Variants in EPHB2 observed in about 807,000 individuals in gnomAD.
The protein encoded by EPHB2 is ephrin type-B receptor 2.
Under a neutral mutation model 96.4 loss-of-function variants are expected in EPHB2, and 18 were observed. The observed-to-expected ratio is 0.19, with a 90% CI of 0.13 to 0.28. EPHB2 has a LOEUF of 0.28. Among genes scored for constraint, EPHB2 ranks in the 10% least tolerant of loss-of-function variants. The pLI is 1.00. For synonymous variants in EPHB2, 506 were observed against 534.1 expected (o/e 0.95, Z 0.72); for missense variants, 989 against 1,355.4 (o/e 0.73, Z 4.25).
At chr1:22,775,266 C>T (rs896463058) in intron 1 of EPHB2, 1 of 779,766 alleles carries the variant, frequency 1.3e-6, no homozygotes, top group Non-Finnish European at 2.4e-6. Context: ...TGTCTGGCCT[C>T]AGTTTCCTCG....
chr1:22,735,673 C>G (rs1643811870), intron 1 of EPHB2, among the ~76,000 whole-genome samples: 3 of 152,188 alleles, frequency 2.0e-5, no homozygotes, highest in Admixed American at 2.0e-4. Flanking sequence ...TGTCTCAGCT[C>G]TACATGATGG....
intron 1 of EPHB2, among the ~76,000 whole-genome samples, chr1:22,761,236 A>C (rs1206089508): frequency 6.6e-6 from 1 of 152,192 alleles, no homozygotes; most frequent in Non-Finnish European, 1.5e-5. Flanking sequence ...GCCACCACCA[A>C]ATGATGTTCA....
At chr1:22,909,494 C>T (rs896284262) in intron 13 of EPHB2, among the ~76,000 whole-genome samples, 3 of 152,202 alleles carry the variant, frequency 2.0e-5, no homozygotes, top group East Asian at 1.9e-4. Flanking sequence ...GGGGACAAGA[C>T]GATTATTCAG....
At chr1:22,751,312 T>C (rs372910356) in intron 1 of EPHB2, among the ~76,000 whole-genome samples, 45 of 152,254 alleles carry the variant, frequency 3.0e-4, no homozygotes, top group African/African-American at 1.1e-3. Flanking sequence ...GCAGGACTGA[T>C]GGGGCGCCAG....
chr1:22,880,870 G>A (rs1293884695), intron 5 of EPHB2, among the ~76,000 whole-genome samples: 5 of 152,216 alleles, frequency 3.3e-5, no homozygotes, highest in African/African-American at 4.8e-5. Flanking sequence ...GATGCATTAT[G>A]AAATAAGGAC....
At chr1:22,756,280 T>C (rs1306623451) in intron 1 of EPHB2, among the ~76,000 whole-genome samples, 2 of 151,988 alleles carry the variant, frequency 1.3e-5, no homozygotes, top group Non-Finnish European at 2.9e-5. Context: ...TCTGTGTGGC[T>C]GCGGTTTCAG....
intron 3 of EPHB2, among the ~76,000 whole-genome samples, chr1:22,859,426 G>A (rs1645758371): frequency 6.6e-6 from 1 of 152,054 alleles, no homozygotes; most frequent in Admixed American, 6.5e-5. Flanking sequence ...GTCTGCTTGG[G>A]GAGCTGATGT....
At chr1:22,909,281 T>G (rs1640014537) in intron 13 of EPHB2, 110 bp downstream of exon 13, 27 of 1,547,862 alleles carry the variant, frequency 1.7e-5, no homozygotes, top group Non-Finnish European at 2.3e-5. Context: ...CATAGGCTTC[T>G]GAGATCATGG....
chr1:22,788,757 T>G (rs1372369602), intron 3 of EPHB2, among the ~76,000 whole-genome samples: 7 of 147,624 alleles, frequency 4.7e-5, no homozygotes, highest in African/African-American at 1.7e-4. Context: ...GTTTTTGTTT[T>G]TTTTTTTTTT....
At chr1:22,852,718 G>A (rs1282629875) in intron 3 of EPHB2, among the ~76,000 whole-genome samples, 2 of 152,214 alleles carry the variant, frequency 1.3e-5, no homozygotes, top group Non-Finnish European at 2.9e-5. Flanking sequence ...CTACAACTGG[G>A]GAACACACAG....
Position 22,899,783 on chromosome 1 carries a change from A to G in EPHB2, c.1765+3305A>G, listed in dbSNP as rs562181212. On this transcript the variant is annotated intron_variant, in intron 9 of 15. Coordinates refer to ENST00000374630, the MANE Select transcript of EPHB2 (RefSeq NM_017449.5). ...TGAGGTGGGAGGATCACTTGAGTCC[A>G]GGAGTTCGAGACCAGCCTGGGCAAC... Among the ~76,000 whole-genome samples, 4 of 152,238 alleles carry G rather than the reference A, an allele frequency of 2.6e-5. No homozygotes were observed. In the East Asian group the frequency reaches 7.8e-4, roughly 30 times the overall value.
At chr1:22,821,546 G>A (rs1367117633) in intron 3 of EPHB2, among the ~76,000 whole-genome samples, 1 of 152,234 alleles carries the variant, frequency 6.6e-6, no homozygotes, top group Non-Finnish European at 1.5e-5. Context: ...GCAGAATCAT[G>A]TTCGGAAGCC....
intron 1 of EPHB2, among the ~76,000 whole-genome samples, chr1:22,717,083 G>T (rs184474450): frequency 6.6e-6 from 1 of 152,350 alleles, no homozygotes; most frequent in East Asian, 1.9e-4. Flanking sequence ...GAAAGAGGAA[G>T]AGAAACCTCA....
intron 3 of EPHB2, among the ~76,000 whole-genome samples, chr1:22,853,241 T>C (rs886073226): frequency 2.0e-5 from 3 of 152,242 alleles, no homozygotes; most frequent in African/African-American, 7.2e-5. Context: ...TAGTCCCAGC[T>C]ACTCAGGAGG....
At chr1:22,775,700 C>A (rs567856788) in intron 1 of EPHB2, among the ~76,000 whole-genome samples, 1 of 152,370 alleles carries the variant, frequency 6.6e-6, no homozygotes, top group East Asian at 1.9e-4. Flanking sequence ...CTCCTGATTG[C>A]TTTCTTCTGT....
intron 1 of EPHB2, among the ~76,000 whole-genome samples, chr1:22,716,118 C>T (rs532974233): frequency 6.6e-6 from 1 of 152,338 alleles, no homozygotes; most frequent in South Asian, 2.1e-4. Flanking sequence ...ACTCAGACTC[C>T]ATCCCTGCCT....
In EPHB2 at chr1:22,858,061, G is replaced by C. The variant is rs1194663701; in HGVS notation, c.812-4976G>C. Among the ~76,000 whole-genome samples, 1 of 152,154 alleles carries C rather than the reference G, an allele frequency of 6.6e-6. No homozygotes were observed. Among genetic ancestry groups the C allele is most frequent in the Non-Finnish European group, 1.5e-5 (1 of 68,028 alleles). On this transcript the variant is annotated intron_variant, in intron 3 of 15. Transcript: ENST00000374630. The surrounding 1 kb of genome is among the most constrained non-coding windows in gnomAD (Gnocchi z 7.7). The stretch of plus-strand genomic sequence containing the variant: ...CAATTGCTTTAGCCAGGGTGGTCAG[G>C]GTGGGCCTCTCGGAGGAGGTGGCAT...
chr1:22,851,581 A>G (rs1156784408), intron 3 of EPHB2, among the ~76,000 whole-genome samples: 1 of 152,222 alleles, frequency 6.6e-6, no homozygotes, highest in Non-Finnish European at 1.5e-5. Context: ...GTGTGACCTT[A>G]GGCAAGTCCC....
intron 1 of EPHB2, among the ~76,000 whole-genome samples, chr1:22,770,233 T>A (rs1475226283): frequency 6.6e-6 from 1 of 151,882 alleles, no homozygotes; most frequent in Non-Finnish European, 1.5e-5. Flanking sequence ...GTCAAGATAG[T>A]TTATGGATGA....
Sources: gnomAD v4.1 joint callset for allele counts (sites outside exome capture counted in the v4.1 genomes callset) on GRCh38, gnomAD v4.1.1 for gene constraint, Gnocchi (gnomAD v3.1) non-coding constraint, MANE v1.5 for transcripts, NCBI Gene and HGNC (gene_info 2026-07-23, HGNC 2026-07-21) for gene names.